The following WDFY1 variants were observed in gnomAD, a reference collection of about 807,000 sequenced individuals.
WDFY1 encodes WD repeat and FYVE domain containing 1, also known as WD repeat and FYVE domain-containing protein 1.
Under a neutral mutation model 56.4 loss-of-function variants are expected in WDFY1, and 32 were observed. The ratio of observed to expected loss-of-function variants is 0.57; its 90% CI spans 0.43 to 0.76. WDFY1 has a LOEUF of 0.76. Ranked by LOEUF, WDFY1 falls within the 30% of genes least tolerant of loss-of-function variation. The pLI, the probability that WDFY1 is intolerant of heterozygous loss-of-function variation, is 0.00. For synonymous variants in WDFY1, 192 were observed against 197.3 expected, an observed-to-expected ratio of 0.97 and a Z score of 0.23; for missense variants, 480 against 545.7, an observed-to-expected ratio of 0.88 and a Z score of 1.20.
At chr2:223,909,800 A>T (rs1018243658) in intron 3 of WDFY1, among the ~76,000 whole-genome samples, 7 of 151,782 alleles carry the variant, frequency 4.6e-5, no homozygotes, top group Admixed American at 3.3e-4. Flanking sequence ...CTGTCCCTTC[A>T]CCCAGGCCGC....
In WDFY1 at chr2:223,877,919, A is replaced by G. The variant is rs1414734155; in HGVS notation, c.*752T>C. The G allele has an allele frequency of 6.6e-6, 1 of 152,622 alleles. No homozygotes were observed. The highest frequency in any genetic ancestry group is 1.5e-5 in the Non-Finnish European group (1 of 68,044). 9.5% of individuals were successfully genotyped at this position (152,622 alleles called of 1,614,324 possible). A position where few individuals can be genotyped will look rare whatever the true frequency, so the allele number is the denominator to read the frequency against. On this transcript the variant is annotated 3_prime_UTR_variant, in exon 12 of 12. Coordinates refer to ENST00000233055, the MANE Select transcript of WDFY1 (RefSeq NM_020830.5). ...GGCGGCTTGTGTGACTCCCATGTTA[A>G]CAGCACCATAAAAAAGTTTTGCCCT...
chr2:223,887,593 C>G (rs1275567525), intron 8 of WDFY1, among the ~76,000 whole-genome samples: 1 of 152,188 alleles, frequency 6.6e-6, no homozygotes, highest in Non-Finnish European at 1.5e-5. Context: ...TAGAAATTCA[C>G]TTCTTTCTTT....
At chr2:223,878,877 T>G in intron 11 of WDFY1, 147 bp from the exon 12 acceptor site, 1 of 1,042,028 alleles carries the variant, frequency 9.6e-7, no homozygotes, top group Non-Finnish European at 1.4e-6. Flanking sequence ...AACACCTCCT[T>G]AAGATTTATA....
chr2:223,907,834 C>T (rs1693623833), intron 3 of WDFY1, among the ~76,000 whole-genome samples: 1 of 151,106 alleles, frequency 6.6e-6, no homozygotes, highest in Non-Finnish European at 1.5e-5. Flanking sequence ...TCGGCCCTTA[C>T]ATCAAGGCTG....
intron 4 of WDFY1, 49 bp downstream of exon 4, chr2:223,905,898 G>T: frequency 7.7e-7 from 1 of 1,295,200 alleles, no homozygotes; most frequent in Non-Finnish European, 1.0e-6. Context: ...TTCTAGTTTT[G>T]TGTATGTCTA....
intron 3 of WDFY1, among the ~76,000 whole-genome samples, chr2:223,906,954 C>CTATTATTATTATTAT (rs1559168671): frequency 1.3e-5 from 2 of 148,592 alleles, no homozygotes; most frequent in Non-Finnish European, 3.0e-5. Flanking sequence ...ATTACTACTA[C>CTATTATTATTATTAT]CATTATTATT....
intron 8 of WDFY1, among the ~76,000 whole-genome samples, chr2:223,886,729 TAAAAAAAA>T (rs34317110): frequency 1.0e-5 from 1 of 95,632 alleles, no homozygotes; most frequent in Non-Finnish European, 1.9e-5. Flanking sequence ...AAACTCCGTC[TAAAAAAAA>T]AAAAAAAAAA....
At chr2:223,936,241 T>C (rs148087289) in intron 1 of WDFY1, among the ~76,000 whole-genome samples, 2,190 of 152,050 alleles carry the variant, frequency 0.014, 50 homozygotes, top group African/African-American at 0.05. Context: ...TTTGTATTTT[T>C]AGTAGAGACA....
chr2:223,945,266 A>C lies in WDFY1; in HGVS notation c.19T>G (p.Ser7Ala), dbSNP rs925592317. Residue 7 changes from serine to alanine, a missense_variant, in exon 1 of 12, where the codon TCC (serine) becomes GCC (alanine). By Grantham distance (99) the Ser-to-Ala change is moderately conservative. Coordinates refer to ENST00000233055, the MANE Select transcript of WDFY1 (RefSeq NM_020830.5). ...ACCGGGCGGCTGCTCTGCGGCCTGG[A>C]GTGGATTTCGGCCGCCATGTTCGCG... MAAEIH[S>A]RPQSSRPVLL... is the part of the protein sequence containing the mutation. The C allele has an allele frequency of 1.3e-6, 2 of 1,580,052 alleles. No individual in the cohort carries two copies. The highest frequency in any genetic ancestry group is 1.7e-5 in the Admixed American group (1 of 57,718).
chr2:223,901,298 A>C lies in WDFY1; in HGVS notation c.370T>G (p.Leu124Val). ...GTACTGATCACCCACTCTGTGGCCAAGCTGAAGATAATCGCAGACACCCGG... is the reference window on the plus strand; with the variant it reads ...GTACTGATCACCCACTCTGTGGCCACGCTGAAGATAATCGCAGACACCCGG... The part of the protein sequence containing the change: ...QNRVSAIIFS[L>V]ATEWVISTGH... Residue 124 changes from leucine (L) to valine (V), a missense_variant, in exon 5 of 12, where the codon TTG becomes GTG. By Grantham distance (32) the Leu-to-Val change is conservative. Transcript: ENST00000233055. 1.9e-6 allele frequency: 3 copies of C among 1,614,172 alleles called. No homozygotes were observed. The highest frequency in any genetic ancestry group is 2.2e-5 in the South Asian group (2 of 91,086).
At chr2:223,938,947 C>T (rs151305250) in intron 1 of WDFY1, among the ~76,000 whole-genome samples, 15 of 150,944 alleles carry the variant, frequency 9.9e-5, no homozygotes, top group South Asian at 6.3e-4. Flanking sequence ...CTCCGCCTAC[C>T]GGGCTCAAGT....
intron 3 of WDFY1, 77 bp downstream of exon 3, chr2:223,912,176 C>T (rs1335688499): frequency 1.4e-6 from 2 of 1,425,056 alleles, no homozygotes; most frequent in African/African-American, 1.5e-5. Flanking sequence ...AGTTAACTGG[C>T]CAATATGGGA....
In WDFY1 at chr2:223,879,276, A is replaced by C. The variant is rs149429386; in HGVS notation, c.1174-546T>G. 1.4e-3 allele frequency among the ~76,000 whole-genome samples: 215 copies of C among 152,380 alleles called. 1 individual carries two copies. The highest frequency in any genetic ancestry group is 6.8e-3 in the Middle Eastern group (2 of 294). On this transcript the variant is annotated intron_variant, in intron 11 of 11. Transcript: ENST00000233055. ...GTAGTGTCTTTACACATAAAAATTAAATCATAATAATGTTTTAGTATAAAT... is the reference window on the plus strand; with the variant it reads ...GTAGTGTCTTTACACATAAAAATTACATCATAATAATGTTTTAGTATAAAT...
chr2:223,935,322 T>C (rs182873216), intron 1 of WDFY1, among the ~76,000 whole-genome samples: 1 of 152,346 alleles, frequency 6.6e-6, no homozygotes, highest in East Asian at 1.9e-4. Flanking sequence ...AGATTCACCT[T>C]GACCTTGAAG....
intron 1 of WDFY1, among the ~76,000 whole-genome samples, chr2:223,938,981 A>G (rs1329886597): frequency 2.0e-5 from 3 of 151,490 alleles, no homozygotes; most frequent in African/African-American, 7.3e-5. Context: ...CAGTCTCCCA[A>G]GTAGCTAGGA....
At chr2:223,911,740 T>C (rs935420431) in intron 3 of WDFY1, among the ~76,000 whole-genome samples, 3 of 152,164 alleles carry the variant, frequency 2.0e-5, no homozygotes, top group African/African-American at 7.2e-5. Flanking sequence ...TACGACAGCA[T>C]TCTGAGCTCC....
In WDFY1 at chr2:223,895,520, A is replaced by C; in HGVS notation, c.709T>G (p.Leu237Val). ...GTCACGCACTGATGGCCCTGAAGTA[A>C]CAGCGTCCGGCCTTTCCTTCCTCCG... is the stretch of plus-strand genomic sequence containing the variant. ...DIGGRKGRTL[L>V]LQGHHDKVQS... The change falls in exon 7 of 12, where the codon TTA (leucine) becomes GTA (valine). Residue 237 changes from leucine to valine, a missense_variant. Leu to Val is a conservative substitution (Grantham distance 32, BLOSUM62 1). Coordinates refer to ENST00000233055, the MANE Select transcript of WDFY1 (RefSeq NM_020830.5). 1 of 1,613,992 alleles carries C rather than the reference A, an allele frequency of 6.2e-7. No homozygotes were observed. The highest frequency in any genetic ancestry group is 2.2e-5 in the East Asian group (1 of 44,874).
chr2:223,879,599 G>A (rs564799698), intron 11 of WDFY1, among the ~76,000 whole-genome samples: 3 of 151,970 alleles, frequency 2.0e-5, no homozygotes, highest in East Asian at 3.9e-4. Flanking sequence ...GGTGAAGGCC[G>A]CAGTGAGTAG....
chr2:223,894,317 A>G lies in WDFY1; in HGVS notation c.748T>C (p.Tyr250His). The G allele has an allele frequency of 6.2e-7, 1 of 1,614,198 alleles. No individual in the cohort carries two copies. Among genetic ancestry groups the G allele is most frequent in the South Asian group, 1.1e-5 (1 of 91,092 alleles). ...ACGAGCTGCCTGGTGAGCTGAAGGT[A>G]GCACAGCGACTGCACCTTGTCACTG... The part of the protein sequence containing the change: ...GHHDKVQSLC[Y>H]LQLTRQLVSC... The change falls in exon 8 of 12, where the codon TAC (tyrosine) becomes CAC (histidine). Residue 250 changes from tyrosine (Y) to histidine (H), a missense_variant. Coordinates refer to ENST00000233055, the MANE Select transcript of WDFY1 (RefSeq NM_020830.5).
Sources: allele counts gnomAD v4.1 joint callset (sites outside exome capture counted in the v4.1 genomes callset), GRCh38; gene constraint gnomAD v4.1.1; transcripts MANE v1.5; gene names NCBI Gene and HGNC (gene_info 2026-07-23, HGNC 2026-07-21).